Variants in RAI14 observed in about 807,000 individuals in gnomAD.
RAI14 encodes the protein ankycorbin.
RAI14 carries 45 observed loss-of-function variants against 115.4 expected under a neutral mutation model. The ratio of observed to expected loss-of-function variants is 0.39; its 90% CI spans 0.31 to 0.50. RAI14 has a LOEUF of 0.50. Ranked by LOEUF, RAI14 falls within the 20% of genes least tolerant of loss-of-function variation. The probability of loss-of-function intolerance (pLI) is 0.85; values close to 1 mark genes in which losing one functional copy is unlikely to be tolerated. For synonymous variants in RAI14, 371 were observed against 415.4 expected (o/e 0.89, Z 1.30); for missense variants, 939 against 1,131.2 (o/e 0.83, Z 2.44).
Position 34,686,789 on chromosome 5 carries a change from C to T in RAI14, c.-48-83C>T, listed in dbSNP as rs1025138354. The T allele has an allele frequency of 6.8e-5, 57 of 835,976 alleles. No homozygotes were observed. The African/African-American group carries it at 9.6e-4, about 14-fold the overall frequency. 51.8% of individuals were successfully genotyped at this position (835,976 alleles called of 1,614,324 possible). Reference sequence around the variant, plus strand: ...TCCCAACGCAACCCTGCTCTGTCTCCTTCCCATGACCCAAGTTGTAATCCA... The same window carrying T: ...TCCCAACGCAACCCTGCTCTGTCTCTTTCCCATGACCCAAGTTGTAATCCA... On this transcript the variant is annotated intron_variant, in intron 1 of 17. Coordinates refer to ENST00000265109, the MANE Select transcript of RAI14 (RefSeq NM_015577.3).
intron 2 of RAI14, among the ~76,000 whole-genome samples, chr5:34,687,261 C>T (rs1050163453): frequency 6.6e-6 from 1 of 152,174 alleles, no homozygotes; most frequent in Non-Finnish European, 1.5e-5. Context: ...CTCAACATTT[C>T]TAAAGTTGCC....
chr5:34,675,085 TG>T (rs1316219026), intron 1 of RAI14, among the ~76,000 whole-genome samples: 1 of 152,008 alleles, frequency 6.6e-6, no homozygotes, highest in Non-Finnish European at 1.5e-5. Context: ...TTAGTAGAGA[TG>T]GGGTTTCACC....
At chr5:34,757,738 C>A in intron 3 of RAI14, 140 bp downstream of exon 3, 1 of 1,136,982 alleles carries the variant, frequency 8.8e-7, no homozygotes, top group Non-Finnish European at 1.2e-6. Context: ...ATATTTTAAT[C>A]TAGTGCCTTT....
intron 1 of RAI14, among the ~76,000 whole-genome samples, chr5:34,660,415 A>C (rs1014270880): frequency 6.6e-6 from 1 of 152,220 alleles, no homozygotes; most frequent in East Asian, 1.9e-4. Flanking sequence ...CAGCCTGGGC[A>C]ACAAGAGTGA....
chr5:34,683,002 C>A (rs985608136), intron 1 of RAI14, among the ~76,000 whole-genome samples: 1 of 152,148 alleles, frequency 6.6e-6, no homozygotes, highest in African/African-American at 2.4e-5. Flanking sequence ...ACTGTAAGAT[C>A]CCAGTTGGCC....
At chr5:34,743,476 A>T (rs1745781498) in intron 2 of RAI14, among the ~76,000 whole-genome samples, 1 of 152,222 alleles carries the variant, frequency 6.6e-6, no homozygotes, top group African/African-American at 2.4e-5. Flanking sequence ...AATCTCTAGA[A>T]CCTTAGTCAG....
At chr5:34,771,602 A>G (rs1750163929) in intron 3 of RAI14, among the ~76,000 whole-genome samples, 1 of 152,196 alleles carries the variant, frequency 6.6e-6, no homozygotes, top group South Asian at 2.1e-4. Flanking sequence ...CAACAGTTCA[A>G]GCCTCCTTTG....
intron 2 of RAI14, among the ~76,000 whole-genome samples, chr5:34,739,743 A>G (rs1478908362): frequency 6.6e-6 from 1 of 152,134 alleles, no homozygotes; most frequent in South Asian, 2.1e-4. Context: ...CCCTTGTGCC[A>G]GATGCCTGGG....
rs149935828 is a variant in RAI14 at position 34,706,713 on chromosome 5, G to A, written c.36+19758G>A. Among the ~76,000 whole-genome samples the A allele has an allele frequency of 3.9e-3, 587 of 152,226 alleles. 5 individuals carry two copies. Among genetic ancestry groups the A allele is most frequent in the African/African-American group, 0.013 (553 of 41,550 alleles). ...TTGCTGCCTCCTATTACTGCAGGAG[G>A]GGTTTTCTCTGCTTGAAACACCAAG... On this transcript the variant is annotated intron_variant, in intron 2 of 17. Transcript: ENST00000265109.
intron 3 of RAI14, among the ~76,000 whole-genome samples, chr5:34,760,240 G>A (rs1273877645): frequency 1.3e-5 from 2 of 152,068 alleles, no homozygotes; most frequent in African/African-American, 4.8e-5. Context: ...GTAGAGACGG[G>A]GTTTCACCAT....
chr5:34,760,466 G>A (rs1274108280), intron 3 of RAI14, among the ~76,000 whole-genome samples: 1 of 152,036 alleles, frequency 6.6e-6, no homozygotes, highest in East Asian at 1.9e-4. Context: ...GGGGCTTTTG[G>A]TCTCCCTTTT....
chr5:34,709,614 C>T (rs1367752636), intron 2 of RAI14, among the ~76,000 whole-genome samples: 1 of 152,202 alleles, frequency 6.6e-6, no homozygotes, highest in Non-Finnish European at 1.5e-5. Context: ...TAATCTCAGA[C>T]AGTTCTTAAC....
chr5:34,799,539 C>CACA (rs1554007142), intron 4 of RAI14, among the ~76,000 whole-genome samples: 632 of 57,226 alleles, frequency 0.011, 5 homozygotes, highest in Non-Finnish European at 0.021. Flanking sequence ...CACACACACA[C>CACA]AAAACCACCT....
chr5:34,697,254 T>C (rs1054380741), intron 2 of RAI14, among the ~76,000 whole-genome samples: 7 of 151,866 alleles, frequency 4.6e-5, no homozygotes, highest in African/African-American at 1.7e-4. Flanking sequence ...CTGACCAACA[T>C]GGAGAAACCC....
chr5:34,796,048 T>G, intron 4 of RAI14, 21 bp downstream of exon 4: 1 of 1,570,732 alleles, frequency 6.4e-7, no homozygotes, highest in Non-Finnish European at 8.8e-7. Flanking sequence ...TTTAGTCTCT[T>G]AAGTCAGCAG....
At chr5:34,708,342 A>G (rs1740979371) in intron 2 of RAI14, among the ~76,000 whole-genome samples, 1 of 151,994 alleles carries the variant, frequency 6.6e-6, no homozygotes, top group South Asian at 2.1e-4. Flanking sequence ...AGCTGGGATT[A>G]CAGGCATGCG....
Position 34,676,370 on chromosome 5 carries a change from A to T in RAI14, c.-48-10502A>T, listed in dbSNP as rs114686974. Among the ~76,000 whole-genome samples, 266 of 152,360 alleles carry T rather than the reference A, an allele frequency of 1.7e-3. 1 individual carries two copies. Among genetic ancestry groups the T allele is most frequent in the African/African-American group, 6.2e-3 (258 of 41,582 alleles). ...CATCAAAAGATAAGTAACACAGAAC[A>T]GGACAAGCATTTTAGAGATCATCTT... On this transcript the variant is annotated intron_variant, in intron 1 of 17. Transcript: ENST00000265109.
chr5:34,693,291 C>T (rs1738858337), intron 2 of RAI14, among the ~76,000 whole-genome samples: 1 of 152,162 alleles, frequency 6.6e-6, no homozygotes, highest in African/African-American at 2.4e-5. Context: ...ACACTGAAGC[C>T]CTGGCATCCC....
chr5:34,743,223 C>T (rs575575221), intron 2 of RAI14, among the ~76,000 whole-genome samples: 3 of 152,284 alleles, frequency 2.0e-5, no homozygotes, highest in Admixed American at 2.0e-4. Context: ...GGCCAGAAGT[C>T]CAAAATTAAG....
Sources: gnomAD v4.1 joint callset for allele counts (sites outside exome capture counted in the v4.1 genomes callset) on GRCh38, gnomAD v4.1.1 for gene constraint, MANE v1.5 for transcripts, NCBI Gene and HGNC (gene_info 2026-07-23, HGNC 2026-07-21) for gene names.